The following NTN1 variants were observed in gnomAD, a reference collection of about 807,000 sequenced individuals.
NTN1 encodes the protein netrin-1.
Under a neutral mutation model 54.2 loss-of-function variants are expected in NTN1, and 11 were observed. The observed-to-expected ratio is 0.20, with a 90% CI of 0.13 to 0.34. The LOEUF (loss-of-function observed/expected upper bound fraction) is 0.34, where lower values mean the gene tolerates loss of function less well. Among genes scored for constraint, NTN1 ranks in the 10% least tolerant of loss-of-function variants. NTN1 has a pLI of 1.00. For missense variants in NTN1, 740 were observed against 893.1 expected (o/e 0.83, Z 2.18); for synonymous variants, 371 against 382.0 (o/e 0.97, Z 0.33).
chr17:9,088,939 C>T (rs1478434861), intron 2 of NTN1, among the ~76,000 whole-genome samples: 1 of 152,132 alleles, frequency 6.6e-6, no homozygotes, highest in African/African-American at 2.4e-5. Context: ...ACTATTTAAA[C>T]GGTTGGGTTT....
chr17:9,017,991 C>G (rs1000853058), upstream of NTN1, among the ~76,000 whole-genome samples: 3 of 152,112 alleles, frequency 2.0e-5, no homozygotes, highest in Non-Finnish European at 4.4e-5. Context: ...GGACTGGTTT[C>G]AAGAATCTGA....
chr17:9,243,294 G>A lies in NTN1; in HGVS notation c.*3326G>A, dbSNP rs1480239793. On this transcript the variant is annotated 3_prime_UTR_variant, in exon 7 of 7. Coordinates refer to ENST00000173229, the MANE Select transcript of NTN1 (RefSeq NM_004822.3). ...CCCAGGGAGGGAGGGTCACAGCCCA[G>A]GGAGGCTGGGAGCTGCTCCAAGGCC... 1 of 152,210 alleles carries A rather than the reference G, an allele frequency of 6.6e-6. No homozygotes were observed. The highest frequency in any genetic ancestry group is 1.5e-5 in the Non-Finnish European group (1 of 68,062). 9.4% of individuals were successfully genotyped at this position (152,210 alleles called of 1,614,324 possible).
intron 2 of NTN1, among the ~76,000 whole-genome samples, chr17:9,096,833 C>G (rs2142238413): frequency 6.6e-6 from 1 of 152,268 alleles, no homozygotes; most frequent in Non-Finnish European, 1.5e-5. Flanking sequence ...ATGGGAATGT[C>G]TTTAGTGTTT....
intron 6 of NTN1, among the ~76,000 whole-genome samples, chr17:9,226,831 C>A (rs1905580545): frequency 6.6e-6 from 1 of 152,046 alleles, no homozygotes; most frequent in South Asian, 2.1e-4. Flanking sequence ...TCCTGTGGGG[C>A]AGCTCAGATA....
chr17:9,057,130 C>T (rs902231719), intron 2 of NTN1, among the ~76,000 whole-genome samples: 1 of 151,924 alleles, frequency 6.6e-6, no homozygotes, highest in African/African-American at 2.4e-5. Flanking sequence ...AGTGTACCCC[C>T]TTCTCCCCCT....
At position 9,165,793 on chromosome 17, in the gene NTN1, T is replaced by C. The variant is rs556451145; in HGVS notation, c.1207+2792T>C. Among the ~76,000 whole-genome samples the C allele has an allele frequency of 2.1e-4, 32 of 152,278 alleles. No homozygotes were observed. The highest frequency in any genetic ancestry group is 6.5e-4 in the African/African-American group (27 of 41,562). The stretch of plus-strand genomic sequence containing the variant: ...ACACTTAAAAATATTTGCCACCTGA[T>C]TGGTGAGGAAAGACAGGGCTTTGAG... On this transcript the variant is annotated intron_variant, in intron 3 of 6. Transcript: ENST00000173229. This position sits in a 1 kb window ranked among gnomAD's most constrained non-coding sequence, Gnocchi z 4.5.
chr17:9,216,813 CGGGT>C (rs890872959), intron 5 of NTN1, among the ~76,000 whole-genome samples: 4 of 152,130 alleles, frequency 2.6e-5, no homozygotes, highest in Non-Finnish European at 5.9e-5. Context: ...GAGGCCAAGG[CGGGT>C]GGATCATGAG....
chr17:9,137,626 CTACTAAAAA>C, intron 2 of NTN1, among the ~76,000 whole-genome samples: 1 of 152,210 alleles, frequency 6.6e-6, no homozygotes, highest in East Asian at 1.9e-4. Flanking sequence ...AACCCTGTCT[CTACTAAAAA>C]TACAAAAAAT....
chr17:9,091,138 C>T (rs2092109149), intron 2 of NTN1, among the ~76,000 whole-genome samples: 1 of 152,184 alleles, frequency 6.6e-6, no homozygotes, highest in South Asian at 2.1e-4. Context: ...AGCTGTTTCC[C>T]TTAAGTGACT....
At chr17:9,237,210 G>T (rs1906021066) in intron 6 of NTN1, among the ~76,000 whole-genome samples, 1 of 152,148 alleles carries the variant, frequency 6.6e-6, no homozygotes, top group Non-Finnish European at 1.5e-5. Context: ...CCAAGATCAA[G>T]GTGTCGGTAG....
chr17:9,083,281 AG>A (rs1456137031), intron 2 of NTN1, among the ~76,000 whole-genome samples: 1 of 152,108 alleles, frequency 6.6e-6, no homozygotes. Flanking sequence ...GAATTTTTAG[AG>A]GAAGGGTTTC....
At chr17:9,216,879 A>G (rs1597543200) in intron 5 of NTN1, among the ~76,000 whole-genome samples, 1 of 152,280 alleles carries the variant, frequency 6.6e-6, no homozygotes, top group South Asian at 2.1e-4. Flanking sequence ...TGTCTCCACT[A>G]AAGATACAAA....
At chr17:9,045,733 T>C (rs2091939606) in intron 2 of NTN1, among the ~76,000 whole-genome samples, 1 of 152,062 alleles carries the variant, frequency 6.6e-6, no homozygotes, top group African/African-American at 2.4e-5. Flanking sequence ...AAAACAAATA[T>C]TCAGCAGAGA....
At chr17:9,098,186 G>T (rs772496563) in intron 2 of NTN1, among the ~76,000 whole-genome samples, 1 of 152,178 alleles carries the variant, frequency 6.6e-6, no homozygotes, top group Admixed American at 6.5e-5. Context: ...TCCCATGCCC[G>T]TTCCCAGACA....
intron 5 of NTN1, among the ~76,000 whole-genome samples, chr17:9,198,777 A>G (rs1413043149): frequency 1.3e-5 from 2 of 152,232 alleles, no homozygotes; most frequent in Admixed American, 6.5e-5. Flanking sequence ...TGGATCCTAC[A>G]GATCCCTAAG....
At chr17:9,228,480 C>T (rs369178022) in intron 6 of NTN1, among the ~76,000 whole-genome samples, 15 of 152,288 alleles carry the variant, frequency 9.8e-5, no homozygotes, top group East Asian at 3.9e-4. Flanking sequence ...CTCCCATCCA[C>T]GCCCCGATCC....
intron 5 of NTN1, among the ~76,000 whole-genome samples, chr17:9,193,079 C>CAA (rs528295578): frequency 0.2 from 20,767 of 105,648 alleles, 2,398 homozygotes; most frequent in East Asian, 0.57. Context: ...GACTCTGTCT[C>CAA]AAAAAAAAAA....
At chr17:9,218,905 T>C (rs77955549) in intron 5 of NTN1, among the ~76,000 whole-genome samples, 1,435 of 134,798 alleles carry the variant, frequency 0.011, 18 homozygotes, top group African/African-American at 0.039. Flanking sequence ...TGTGGGATGA[T>C]GGCTTTTGTG....
At chr17:9,099,371 C>CT (rs1272725082) in intron 2 of NTN1, among the ~76,000 whole-genome samples, 1 of 152,168 alleles carries the variant, frequency 6.6e-6, no homozygotes, top group Non-Finnish European at 1.5e-5. Context: ...CGCCATTGCA[C>CT]TCCAGCCTAG....
Sources: allele counts gnomAD v4.1 joint callset (sites outside exome capture counted in the v4.1 genomes callset), GRCh38; gene constraint gnomAD v4.1.1; non-coding constraint Gnocchi (gnomAD v3.1); transcripts MANE v1.5; gene names NCBI Gene and HGNC (gene_info 2026-07-23, HGNC 2026-07-21).